MCU: variants seen among roughly 807,000 people sequenced by gnomAD.
The protein encoded by MCU is calcium uniporter protein, mitochondrial.
MCU carries 12 observed loss-of-function variants against 45.2 expected under a neutral mutation model. The ratio of observed to expected loss-of-function variants is 0.27; its 90% CI spans 0.17 to 0.43. The LOEUF (loss-of-function observed/expected upper bound fraction) is 0.43, where lower values mean the gene tolerates loss of function less well. Ranked by LOEUF, MCU falls within the 20% of genes least tolerant of loss-of-function variation. The pLI, the probability that MCU is intolerant of heterozygous loss-of-function variation, is 1.00. For synonymous variants in MCU, 160 were observed against 165.1 expected (o/e 0.97, Z 0.24); for missense variants, 324 against 436.7 (o/e 0.74, Z 2.30).
At chr10:72,743,068 ATGT>A (rs1295991161) in intron 1 of MCU, among the ~76,000 whole-genome samples, 8 of 151,692 alleles carry the variant, frequency 5.3e-5, no homozygotes, top group African/African-American at 1.9e-4. Flanking sequence ...CTTGATCATC[ATGT>A]TGTATTTATG....
At chr10:72,841,485 A>T (rs1449307524) in intron 2 of MCU, among the ~76,000 whole-genome samples, 1 of 152,056 alleles carries the variant, frequency 6.6e-6, no homozygotes, top group African/African-American at 2.4e-5. Flanking sequence ...TTTATTAGAG[A>T]TGGGGTTTCA....
intron 1 of MCU, among the ~76,000 whole-genome samples, chr10:72,717,127 C>CTCTTT (rs1476058860): frequency 7.2e-6 from 1 of 138,414 alleles, no homozygotes; most frequent in African/African-American, 2.7e-5. Context: ...CTCTCTCTCT[C>CTCTTT]TTTTTTTTTT....
intron 4 of MCU, chr10:72,861,676 T>A (rs1295168153): frequency 1.6e-5 from 6 of 381,648 alleles, no homozygotes; most frequent in Admixed American, 6.6e-5. Flanking sequence ...TTTTTTTTTT[T>A]AGTAGAGATG....
chr10:72,763,863 C>T (rs1843688946), intron 1 of MCU, among the ~76,000 whole-genome samples: 1 of 152,056 alleles, frequency 6.6e-6, no homozygotes, highest in African/African-American at 2.4e-5. Flanking sequence ...TAGGAAAATA[C>T]AGAAAGAAAG....
At chr10:72,713,684 T>A (rs1190868677) in intron 1 of MCU, among the ~76,000 whole-genome samples, 1 of 152,188 alleles carries the variant, frequency 6.6e-6, no homozygotes, top group Non-Finnish European at 1.5e-5. Flanking sequence ...TGATTTCCAA[T>A]CATTTTCAAA....
intron 1 of MCU, among the ~76,000 whole-genome samples, chr10:72,798,933 A>G (rs1458823329): frequency 1.3e-5 from 2 of 151,798 alleles, no homozygotes; most frequent in African/African-American, 4.8e-5. Context: ...GATCAACTTG[A>G]TTCTTTTATT....
intron 1 of MCU, among the ~76,000 whole-genome samples, chr10:72,731,963 G>A (rs557871420): frequency 2.6e-5 from 4 of 152,210 alleles, no homozygotes; most frequent in East Asian, 1.9e-4. Flanking sequence ...ATATACCTTC[G>A]AGTAGAATTG....
chr10:72,858,159 T>C (rs1056931873), intron 2 of MCU, among the ~76,000 whole-genome samples: 1 of 152,138 alleles, frequency 6.6e-6, no homozygotes, highest in African/African-American at 2.4e-5. Context: ...AAGAACAGGA[T>C]GCATGCTGAG....
At chr10:72,854,595 A>G (rs1845259251) in intron 2 of MCU, among the ~76,000 whole-genome samples, 1 of 152,228 alleles carries the variant, frequency 6.6e-6, no homozygotes, top group Non-Finnish European at 1.5e-5. Context: ...AAAGATGTAT[A>G]ACATAGAGCA....
intron 1 of MCU, among the ~76,000 whole-genome samples, chr10:72,810,870 G>A (rs564733303): frequency 2.8e-4 from 43 of 152,206 alleles, no homozygotes; most frequent in South Asian, 1.0e-3. Flanking sequence ...AGAAAGTAAG[G>A]ATTGGCACAG....
intron 1 of MCU, among the ~76,000 whole-genome samples, chr10:72,810,536 C>T (rs894237270): frequency 2.1e-5 from 3 of 140,130 alleles, no homozygotes; most frequent in South Asian, 2.2e-4. Context: ...GGTGCAATCT[C>T]GGCTCACTGC....
At chr10:72,816,170 C>CA (rs1193097391) in intron 1 of MCU, among the ~76,000 whole-genome samples, 2 of 151,794 alleles carry the variant, frequency 1.3e-5, no homozygotes, top group Non-Finnish European at 2.9e-5. Context: ...GACTCCATCT[C>CA]AAAAAAATAA....
intron 1 of MCU, among the ~76,000 whole-genome samples, chr10:72,694,210 G>A (rs1009381082): frequency 1.3e-5 from 2 of 152,176 alleles, no homozygotes; most frequent in African/African-American, 4.8e-5. Context: ...TATTTAAAGT[G>A]TATAAACATT....
At chr10:72,795,139 TCTC>T (rs529980677) in intron 1 of MCU, among the ~76,000 whole-genome samples, 42 of 152,152 alleles carry the variant, frequency 2.8e-4, no homozygotes, top group Admixed American at 7.9e-4. Context: ...TGTCCTAAAA[TCTC>T]CTCATTGAGC....
chr10:72,706,477 C>T (rs1004915941), intron 1 of MCU, among the ~76,000 whole-genome samples: 9 of 151,670 alleles, frequency 5.9e-5, no homozygotes, highest in Admixed American at 3.9e-4. Flanking sequence ...TATTACAGTA[C>T]AAAAGTGTCG....
intron 1 of MCU, among the ~76,000 whole-genome samples, chr10:72,795,436 A>G (rs1844228321): frequency 6.6e-6 from 1 of 152,254 alleles, no homozygotes; most frequent in Admixed American, 6.5e-5. Context: ...TAAATTTTAG[A>G]AACTTTTCCA....
At chr10:72,747,914 G>A (rs993053472) in intron 1 of MCU, among the ~76,000 whole-genome samples, 2 of 151,410 alleles carry the variant, frequency 1.3e-5, no homozygotes, top group African/African-American at 4.9e-5. Context: ...TTTAAAAAGT[G>A]GAAAGAAACA....
intron 1 of MCU, among the ~76,000 whole-genome samples, chr10:72,778,061 C>T (rs548119264): frequency 1.4e-4 from 22 of 152,114 alleles, no homozygotes; most frequent in Non-Finnish European, 2.2e-4. Context: ...AGGGAACCCT[C>T]GTAAACTGTT....
chr10:72,791,842 A>C (rs1429450691), intron 1 of MCU, among the ~76,000 whole-genome samples: 2 of 30,790 alleles, frequency 6.5e-5, no homozygotes, highest in Non-Finnish European at 2.7e-4. Context: ...CTAAATGCCA[A>C]AAAAAAAAAA....
Sources: allele counts gnomAD v4.1 joint callset (sites outside exome capture counted in the v4.1 genomes callset), GRCh38; gene constraint gnomAD v4.1.1; transcripts MANE v1.5; gene names NCBI Gene and HGNC (gene_info 2026-07-23, HGNC 2026-07-21).